Variants in TRPS1 observed in about 807,000 individuals in gnomAD.
TRPS1 encodes the protein transcriptional repressor GATA binding 1.
TRPS1 carries 6 observed loss-of-function variants against 101.2 expected under a neutral mutation model. That is an observed-to-expected ratio of 0.06 (90% CI 0.03 to 0.12). TRPS1 has a LOEUF of 0.12. Among genes scored for constraint, TRPS1 ranks in the 10% least tolerant of loss-of-function variants. The pLI is 1.00. For synonymous variants in TRPS1, 578 were observed against 589.8 expected (o/e 0.98, Z 0.29); for missense variants, 1,363 against 1,567.0 (o/e 0.87, Z 2.20).
rs751625126 is a variant in TRPS1 at position 115,587,366 on chromosome 8, TCAC to T, written c.2332_2334del (p.Val778del). ...TCCTTCTCTTCCAGCTTCTCTCTCTTCACCACACTCTCAGAAACTGGCTCTCCC... is the reference window on the plus strand; with the variant it reads ...TCCTTCTCTTCCAGCTTCTCTCTCTTCACACTCTCAGAAACTGGCTCTCCC... On this transcript the variant is annotated inframe_deletion, in exon 5 of 7. Coordinates refer to ENST00000395715, the MANE Select transcript of TRPS1 (RefSeq NM_014112.5). The T allele has an allele frequency of 2.5e-6, 4 of 1,614,166 alleles. No homozygotes were observed. Among genetic ancestry groups the T allele is most frequent in the South Asian group, 1.1e-5 (1 of 91,088 alleles).
intron 5 of TRPS1, among the ~76,000 whole-genome samples, chr8:115,507,739 T>C (rs1815482420): frequency 6.6e-6 from 1 of 152,128 alleles, no homozygotes. Context: ...CCTTTTCTTT[T>C]GGGACCTCAA....
chr8:115,422,745 C>A (rs1338020875), intron 5 of TRPS1, among the ~76,000 whole-genome samples: 1 of 152,180 alleles, frequency 6.6e-6, no homozygotes, highest in Non-Finnish European at 1.5e-5. Context: ...TTTAACATTA[C>A]AGTCACAAAT....
rs556658985 is a variant in TRPS1, at chr8:115,634,741, T to C, written c.-121-10983A>G. Among the ~76,000 whole-genome samples the C allele has an allele frequency of 4.6e-5, 7 of 152,150 alleles. No homozygotes were observed. The South Asian group carries it at 1.5e-3, about 32-fold the overall frequency. On this transcript the variant is annotated intron_variant, in intron 1 of 6. Transcript: ENST00000395715. ...GTACCAAACAGTACTTTTAATCCTG[T>C]TGTAACATTAAGAATGCCCTGTTTT...
chr8:115,568,811 G>A (rs992958853), intron 5 of TRPS1, among the ~76,000 whole-genome samples: 2 of 152,066 alleles, frequency 1.3e-5, no homozygotes, highest in Non-Finnish European at 2.9e-5. Flanking sequence ...TACTCTGTAA[G>A]ACTGCCTACA....
In TRPS1 at chr8:115,503,310, C is replaced by T. The variant is rs550622185; in HGVS notation, c.2700+83691G>A. ...CTTAAAGATGCCACACCAATGTACG[C>T]GAATTACCATAAAATTGAACCACTG... On this transcript the variant is annotated intron_variant, in intron 5 of 6. Coordinates refer to ENST00000395715, the MANE Select transcript of TRPS1 (RefSeq NM_014112.5). Among the ~76,000 whole-genome samples, 26 of 150,394 alleles carry T rather than the reference C, an allele frequency of 1.7e-4. No homozygotes were observed. In the South Asian group the frequency reaches 3.6e-3, roughly 21 times the overall value.
intron 1 of TRPS1, among the ~76,000 whole-genome samples, chr8:115,648,658 A>G (rs950025330): frequency 6.6e-6 from 1 of 150,562 alleles, no homozygotes; most frequent in Non-Finnish European, 1.5e-5. Context: ...AAACAAAAGG[A>G]AAAATTTTTT....
intron 1 of TRPS1, among the ~76,000 whole-genome samples, chr8:115,633,348 A>G (rs565317619): frequency 1.4e-4 from 21 of 152,186 alleles, no homozygotes; most frequent in African/African-American, 3.9e-4. Context: ...AGAAGAGAGG[A>G]TAAGAACTCT....
chr8:115,514,766 C>T (rs1244345619), intron 5 of TRPS1, among the ~76,000 whole-genome samples: 3 of 151,282 alleles, frequency 2.0e-5, no homozygotes, highest in African/African-American at 7.3e-5. Flanking sequence ...AAACTCAAGA[C>T]ATACCAAAAA....
At chr8:115,613,239 C>T (rs748368475) in intron 3 of TRPS1, among the ~76,000 whole-genome samples, 4 of 152,124 alleles carry the variant, frequency 2.6e-5, no homozygotes, top group African/African-American at 4.8e-5. Flanking sequence ...GCAAAAGTAC[C>T]AGGGAAAAGG....
At chr8:115,617,164 T>G (rs1818293438) in intron 3 of TRPS1, among the ~76,000 whole-genome samples, 1 of 152,200 alleles carries the variant, frequency 6.6e-6, no homozygotes, top group South Asian at 2.1e-4. Context: ...ACAGATTACT[T>G]TTTTCTATTT....
At position 115,418,542 on chromosome 8, in the gene TRPS1, T is replaced by TAGG. The variant is rs2129770059; in HGVS notation, c.2701-91_2701-90insCCT. 6.4e-7 allele frequency: 1 copy of TAGG among 1,572,522 alleles called. No individual in the cohort carries two copies. The highest frequency in any genetic ancestry group is 2.2e-5 in the East Asian group (1 of 44,596). On this transcript the variant is annotated intron_variant, in intron 5 of 6. Transcript: ENST00000395715. The surrounding 1 kb of genome is among the most constrained non-coding windows in gnomAD (Gnocchi z 4.3). ...CAACCCAGGAGTTTTGTCTTTAAAC[T>TAGG]AGCAACAATGACAGTATAAAACCAC...
rs888439850 is a variant in TRPS1 at position 115,418,249 on chromosome 8, G to A, written c.2823+81C>T. Reference sequence around the variant, plus strand: ...CTGCGGGGGCAGGCACTGCAAGCCAGGGAATGGGACTTATCACACCACAGA... The same window carrying A: ...CTGCGGGGGCAGGCACTGCAAGCCAAGGAATGGGACTTATCACACCACAGA... On this transcript the variant is annotated intron_variant, in intron 6 of 6. Transcript: ENST00000395715. This position sits in a 1 kb window ranked among gnomAD's most constrained non-coding sequence, Gnocchi z 4.3. The A allele has an allele frequency of 7.4e-6, 12 of 1,611,776 alleles. No individual in the cohort carries two copies. In the African/African-American group the frequency reaches 1.6e-4, roughly 22 times the overall value.
intron 5 of TRPS1, among the ~76,000 whole-genome samples, chr8:115,574,506 G>C (rs1040957891): frequency 6.6e-6 from 1 of 152,112 alleles, no homozygotes; most frequent in African/African-American, 2.4e-5. Context: ...CAACTGAAAA[G>C]AGACAGGACA....
chr8:115,589,736 G>T (rs1417812200), intron 4 of TRPS1, among the ~76,000 whole-genome samples: 2 of 152,050 alleles, frequency 1.3e-5, no homozygotes, highest in African/African-American at 4.8e-5. Flanking sequence ...TCAAAAACAG[G>T]ACTAAGAATA....
intron 5 of TRPS1, chr8:115,509,455 C>T (rs1815526714): frequency 6.6e-6 from 1 of 151,984 alleles, no homozygotes; most frequent in Non-Finnish European, 1.5e-5. Flanking sequence ...GTGAGTGTGG[C>T]ACATGGCAGG....
At chr8:115,431,518 G>T (rs1018746261) in intron 5 of TRPS1, among the ~76,000 whole-genome samples, 7 of 151,842 alleles carry the variant, frequency 4.6e-5, no homozygotes, top group East Asian at 1.9e-4. Flanking sequence ...CATTCTAAAA[G>T]ATCTTTAAGG....
At chr8:115,531,807 C>T (rs1170217327) in intron 5 of TRPS1, among the ~76,000 whole-genome samples, 4 of 152,018 alleles carry the variant, frequency 2.6e-5, no homozygotes, top group African/African-American at 4.8e-5. Context: ...GTAAAAGGAT[C>T]GCTGAGCACA....
rs760967191 is a variant in TRPS1, at chr8:115,518,307, T to C, written c.2700+68694A>G. Among the ~76,000 whole-genome samples, 2 of 151,856 alleles carry C rather than the reference T, an allele frequency of 1.3e-5. 1 individual carries two copies. Among genetic ancestry groups the C allele is most frequent in the Admixed American group, 1.3e-4 (2 of 15,188 alleles). On this transcript the variant is annotated intron_variant, in intron 5 of 6. Transcript: ENST00000395715. ...TCAAAAATAAAAAATACACTTTTAT[T>C]ATTCCAGGCTAAAGCAAAAACTATT...
At chr8:115,472,668 A>G (rs775201800) in intron 5 of TRPS1, among the ~76,000 whole-genome samples, 16 of 152,162 alleles carry the variant, frequency 1.1e-4, no homozygotes, top group South Asian at 2.1e-4. Flanking sequence ...CCTTTTAAAC[A>G]TAAGTGCCAA....
Sources: gnomAD v4.1 joint callset for allele counts (sites outside exome capture counted in the v4.1 genomes callset) on GRCh38, gnomAD v4.1.1 for gene constraint, Gnocchi (gnomAD v3.1) non-coding constraint, MANE v1.5 for transcripts, NCBI Gene and HGNC (gene_info 2026-07-23, HGNC 2026-07-21) for gene names.